SMPDL3B: variants seen among roughly 807,000 people sequenced by gnomAD.
The protein encoded by SMPDL3B is acid sphingomyelinase-like phosphodiesterase 3b.
In SMPDL3B, 31 loss-of-function variants were observed where a neutral mutation model predicts 37.9. That is an observed-to-expected ratio of 0.82 (90% CI 0.61 to 1.10). The LOEUF (loss-of-function observed/expected upper bound fraction) is 1.10, where lower values mean the gene tolerates loss of function less well. Among genes scored for constraint, SMPDL3B ranks in the 50% least tolerant of loss-of-function variants. The probability of loss-of-function intolerance (pLI) is 0.00; values close to 1 mark genes in which losing one functional copy is unlikely to be tolerated. For missense variants in SMPDL3B, 525 were observed against 597.8 expected, an observed-to-expected ratio of 0.88 and a Z score of 1.27; for synonymous variants, 235 against 242.6, an observed-to-expected ratio of 0.97 and a Z score of 0.29.
At chr1:27,956,359 T>C in intron 7 of SMPDL3B, 1 of 1,335,038 alleles carries the variant, frequency 7.5e-7, no homozygotes, top group Non-Finnish European at 9.9e-7. Context: ...GCCCATCCGC[T>C]ACACAAGAGA....
rs906656660 is a variant in SMPDL3B at position 27,945,673 on chromosome 1, G to A, written c.275+228G>A. On this transcript the variant is annotated intron_variant, in intron 2 of 7. Transcript: ENST00000373894. The surrounding 1 kb of genome is among the most constrained non-coding windows in gnomAD (Gnocchi z 4.0). ...CCATGTCTCCTGGCTGTGGCAGAAC[G>A]CAGCTCTCAATCAGGCTTTTGGACG... is the stretch of plus-strand genomic sequence containing the variant. Among the ~76,000 whole-genome samples, 2 of 152,154 alleles carry A rather than the reference G, an allele frequency of 1.3e-5. No individual in the cohort carries two copies. The highest frequency in any genetic ancestry group is 1.9e-4 in the East Asian group (1 of 5,192).
rs1486412754 is a variant in SMPDL3B, at chr1:27,956,101, G to A, written c.1005+19G>A. The A allele has an allele frequency of 6.2e-7, 1 of 1,614,008 alleles. No individual in the cohort carries two copies. The highest frequency in any genetic ancestry group is 1.3e-5 in the African/African-American group (1 of 74,912). On this transcript the variant is annotated intron_variant, in intron 7 of 7. Transcript: ENST00000373894. ...CCTGAAGGTCAGGAGTCCTGCGGAG[G>A]CCAGAGGAGGAGGGTGGGAGGGGCT...
At chr1:27,940,798 G>A (rs1422406405) in intron 1 of SMPDL3B, among the ~76,000 whole-genome samples, 1 of 152,166 alleles carries the variant, frequency 6.6e-6, no homozygotes, top group Non-Finnish European at 1.5e-5. Context: ...TGAAGCATCT[G>A]AACAGTAACA....
chr1:27,949,765 C>T (rs2090439949), intron 3 of SMPDL3B, among the ~76,000 whole-genome samples: 1 of 152,176 alleles, frequency 6.6e-6, no homozygotes, highest in Admixed American at 6.5e-5. Flanking sequence ...ATCCTGGAGG[C>T]TAAATCTGGC....
chr1:27,937,657 G>T (rs1281425898), intron 1 of SMPDL3B, among the ~76,000 whole-genome samples: 1 of 152,186 alleles, frequency 6.6e-6, no homozygotes, highest in Non-Finnish European at 1.5e-5. Context: ...GGGAACCTCT[G>T]TTCAGTACTT....
chr1:27,941,436 A>G (rs2090357931), intron 1 of SMPDL3B: 1 of 152,246 alleles, frequency 6.6e-6, no homozygotes, highest in Non-Finnish European at 1.5e-5. Flanking sequence ...TTGTTCATTC[A>G]TCGAATGTGC....
chr1:27,944,971 G>A (rs2148675635), intron 1 of SMPDL3B, among the ~76,000 whole-genome samples: 1 of 152,288 alleles, frequency 6.6e-6, no homozygotes, highest in South Asian at 2.1e-4. Flanking sequence ...TGTTGTGGCT[G>A]CCCATCCAAT....
At chr1:27,941,756 C>T (rs957692950) in intron 1 of SMPDL3B, among the ~76,000 whole-genome samples, 12 of 152,222 alleles carry the variant, frequency 7.9e-5, no homozygotes, top group East Asian at 3.9e-4. Flanking sequence ...GAAGATTGGG[C>T]GAGGCCATGG....
chr1:27,943,769 C>T (rs943625871), intron 1 of SMPDL3B, among the ~76,000 whole-genome samples: 1 of 151,880 alleles, frequency 6.6e-6, no homozygotes, highest in Non-Finnish European at 1.5e-5. Flanking sequence ...GAAGCTGAGG[C>T]GGGCGGATCA....
chr1:27,943,849 T>TAAA (rs1401976981), intron 1 of SMPDL3B, among the ~76,000 whole-genome samples: 1 of 142,842 alleles, frequency 7.0e-6, no homozygotes, highest in Non-Finnish European at 1.5e-5. Context: ...AAAATACAAA[T>TAAA]ACAAAAAAAA....
At position 27,958,204 on chromosome 1, in the gene SMPDL3B, A is replaced by C. The variant is rs971603676; in HGVS notation, c.1006-272A>C. On this transcript the variant is annotated intron_variant, in intron 7 of 7. Coordinates refer to ENST00000373894, the MANE Select transcript of SMPDL3B (RefSeq NM_014474.4). The surrounding 1 kb of genome is among the most constrained non-coding windows in gnomAD (Gnocchi z 5.6). ...TGGGGTCCAATCCTGCTACCACTGA[A>C]TACCTGTATGAATACCTGTATGACC... 6.6e-6 allele frequency among the ~76,000 whole-genome samples: 1 copy of C among 152,294 alleles called. No homozygotes were observed. The highest frequency in any genetic ancestry group is 2.4e-5 in the African/African-American group (1 of 41,572).
At chr1:27,941,142 A>G (rs2090355098) in intron 1 of SMPDL3B, among the ~76,000 whole-genome samples, 1 of 152,176 alleles carries the variant, frequency 6.6e-6, no homozygotes, top group South Asian at 2.1e-4. Context: ...TAGGGCCTGG[A>G]AGCTGATGGA....
Position 27,945,187 on chromosome 1 carries a change from T to G in SMPDL3B, c.62-45T>G. ...CCCCTGGACTTCCTTGCTTCCAGGC[T>G]GAGAGAGAGACCAGCTTTGAAGGAG... On this transcript the variant is annotated intron_variant, in intron 1 of 7. Transcript: ENST00000373894. The surrounding 1 kb of genome is among the most constrained non-coding windows in gnomAD (Gnocchi z 4.0). 9 of 1,593,904 alleles carry G rather than the reference T, an allele frequency of 5.6e-6. No individual in the cohort carries two copies. The highest frequency in any genetic ancestry group is 1.3e-5 in the African/African-American group (1 of 74,628).
chr1:27,940,190 C>T (rs1005700022), intron 1 of SMPDL3B, among the ~76,000 whole-genome samples: 19 of 152,138 alleles, frequency 1.2e-4, no homozygotes, highest in Non-Finnish European at 1.5e-5. Flanking sequence ...TGCCCAGGGA[C>T]GCGCTGTGCC....
chr1:27,935,284 C>T (rs1411106729), intron 1 of SMPDL3B, 40 bp downstream of exon 1: 2 of 1,477,642 alleles, frequency 1.4e-6, no homozygotes, highest in East Asian at 4.6e-5. Context: ...TTGTTTTGTA[C>T]TGTGAACTCT....
chr1:27,939,854 G>A (rs1025359876), intron 1 of SMPDL3B, among the ~76,000 whole-genome samples: 10 of 151,994 alleles, frequency 6.6e-5, no homozygotes, highest in Admixed American at 2.0e-4. Context: ...GTAGAGGCAC[G>A]GTTTTGAACT....
chr1:27,954,302 C>T, intron 4 of SMPDL3B, 52 bp from the exon 5 acceptor site: 3 of 1,544,960 alleles, frequency 1.9e-6, no homozygotes, highest in Non-Finnish European at 2.6e-6. Flanking sequence ...GGGGCGGAAG[C>T]CTGTCTGGCC....
intron 5 of SMPDL3B, among the ~76,000 whole-genome samples, chr1:27,955,351 C>T (rs902804577): frequency 4.6e-5 from 7 of 152,190 alleles, no homozygotes; most frequent in African/African-American, 7.2e-5. Flanking sequence ...AGAATGGTTT[C>T]GTTGCAGTGT....
chr1:27,955,142 T>C (rs150367432), intron 5 of SMPDL3B, among the ~76,000 whole-genome samples: 45 of 152,328 alleles, frequency 3.0e-4, no homozygotes, highest in African/African-American at 1.0e-3. Flanking sequence ...CTATTCCAGA[T>C]GAGAAAACAG....
Sources: gnomAD v4.1 joint callset for allele counts (sites outside exome capture counted in the v4.1 genomes callset) on GRCh38, gnomAD v4.1.1 for gene constraint, Gnocchi (gnomAD v3.1) non-coding constraint, MANE v1.5 for transcripts, NCBI Gene and HGNC (gene_info 2026-07-23, HGNC 2026-07-21) for gene names.